The following CSMD3 variants were observed in gnomAD, a reference collection of about 807,000 sequenced individuals.
CSMD3 encodes the protein CUB and sushi domain-containing protein 3.
CSMD3 carries 177 observed loss-of-function variants against 435.2 expected under a neutral mutation model. The ratio of observed to expected loss-of-function variants is 0.41; its 90% CI spans 0.36 to 0.46. CSMD3 has a LOEUF of 0.46. Among genes scored for constraint, CSMD3 ranks in the 20% least tolerant of loss-of-function variants. CSMD3 has a pLI of 0.34. For missense variants in CSMD3, 4,265 were observed against 4,504.6 expected (o/e 0.95, Z 1.52); for synonymous variants, 1,656 against 1,520.5 (o/e 1.09, Z -2.07).
chr8:113,147,675 G>C (rs1454842400), intron 4 of CSMD3, among the ~76,000 whole-genome samples: 1 of 151,540 alleles, frequency 6.6e-6, no homozygotes, highest in East Asian at 2.0e-4. Flanking sequence ...TGTGTGGAGG[G>C]GAGAGGGTTG....
At chr8:112,237,418 A>AT in intron 66 of CSMD3, 70 bp from the exon 67 acceptor site, 1 of 1,127,998 alleles carries the variant, frequency 8.9e-7, no homozygotes, top group South Asian at 1.3e-5. Flanking sequence ...TAAATAGAGT[A>AT]TTAGTTTATT....
At chr8:113,117,344 C>T (rs2090860916) in intron 4 of CSMD3, among the ~76,000 whole-genome samples, 1 of 152,148 alleles carries the variant, frequency 6.6e-6, no homozygotes. Flanking sequence ...TTGGCAGCTT[C>T]CATGTGGTAT....
At position 113,168,584 on chromosome 8, in the gene CSMD3, T is replaced by A. The variant is rs73344373; in HGVS notation, c.709+5138A>T. Among the ~76,000 whole-genome samples the A allele has an allele frequency of 5.9e-3, 566 of 95,782 alleles. 5 individuals carry two copies. The highest frequency in any genetic ancestry group is 0.02 in the African/African-American group (529 of 25,986). The allele number at this position is 95,782 out of a possible 152,430, so 62.8% of individuals were successfully genotyped here. On this transcript the variant is annotated intron_variant, in intron 4 of 70. Coordinates refer to ENST00000297405, the MANE Select transcript of CSMD3 (RefSeq NM_198123.2). ...AGCTACAAAAAATGCTAAAAAATAA[T>A]CTTTACAGTGAATAGATAAAACTGG...
intron 1 of CSMD3, among the ~76,000 whole-genome samples, chr8:113,345,652 A>G (rs1039927974): frequency 6.6e-6 from 1 of 152,082 alleles, no homozygotes; most frequent in Admixed American, 6.6e-5. Context: ...GTCATTTTAT[A>G]AGGAAGACAA....
At chr8:113,043,146 T>C (rs1362132416) in intron 5 of CSMD3, among the ~76,000 whole-genome samples, 1 of 152,196 alleles carries the variant, frequency 6.6e-6, no homozygotes, top group East Asian at 1.9e-4. Flanking sequence ...AAATCAGTGG[T>C]ACTCAAACAC....
chr8:113,271,580 C>T (rs2093527389), intron 3 of CSMD3, among the ~76,000 whole-genome samples: 1 of 152,120 alleles, frequency 6.6e-6, no homozygotes, highest in South Asian at 2.1e-4. Context: ...GGACCTCCAT[C>T]TATATTTCAG....
chr8:112,400,939 G>T (rs556659338), intron 35 of CSMD3, among the ~76,000 whole-genome samples: 3 of 152,156 alleles, frequency 2.0e-5, no homozygotes, highest in Non-Finnish European at 4.4e-5. Context: ...AGGCCCGGTG[G>T]CTCACACCTG....
intron 67 of CSMD3, among the ~76,000 whole-genome samples, chr8:112,235,933 C>A (rs920821208): frequency 2.6e-5 from 4 of 151,782 alleles, no homozygotes; most frequent in African/African-American, 9.6e-5. Context: ...ATTTTGGGCT[C>A]TTTTATAGAA....
intron 32 of CSMD3, among the ~76,000 whole-genome samples, chr8:112,470,419 A>G (rs1442778352): frequency 6.6e-6 from 1 of 152,122 alleles, no homozygotes; most frequent in African/African-American, 2.4e-5. Context: ...AATCACTCAC[A>G]TACATCAAAT....
Position 112,526,590 on chromosome 8 carries a change from T to C in CSMD3, c.4565-9365A>G, listed in dbSNP as rs979022467. On this transcript the variant is annotated intron_variant, in intron 27 of 70. Coordinates refer to ENST00000297405, the MANE Select transcript of CSMD3 (RefSeq NM_198123.2). ...AACCAATTCCTAGTACATTTCTGTTTTTTAATTTTATAAGAGCTTTGCTTT... is the reference window on the plus strand; with the variant it reads ...AACCAATTCCTAGTACATTTCTGTTCTTTAATTTTATAAGAGCTTTGCTTT... 7.9e-5 allele frequency among the ~76,000 whole-genome samples: 12 copies of C among 152,194 alleles called. No homozygotes were observed. In the East Asian group the frequency reaches 1.9e-3, roughly 24 times the overall value.
At chr8:113,040,134 C>T (rs1017635576) in intron 5 of CSMD3, among the ~76,000 whole-genome samples, 1 of 152,006 alleles carries the variant, frequency 6.6e-6, no homozygotes, top group African/African-American at 2.4e-5. Flanking sequence ...GTCCTATTAG[C>T]AGAGTTATGA....
At chr8:113,387,992 G>A (rs1221192755) in intron 1 of CSMD3, among the ~76,000 whole-genome samples, 1 of 151,636 alleles carries the variant, frequency 6.6e-6, no homozygotes, top group East Asian at 1.9e-4. Context: ...ATATTATATT[G>A]TGGCATATTC....
At chr8:113,341,627 A>G (rs2094119433) in intron 1 of CSMD3, among the ~76,000 whole-genome samples, 1 of 152,116 alleles carries the variant, frequency 6.6e-6, no homozygotes, top group Non-Finnish European at 1.5e-5. Context: ...AGGCTGTTTA[A>G]AATATGGAAA....
At chr8:112,357,573 C>T (rs1826745884) in intron 38 of CSMD3, among the ~76,000 whole-genome samples, 1 of 152,166 alleles carries the variant, frequency 6.6e-6, no homozygotes, top group Non-Finnish European at 1.5e-5. Flanking sequence ...GCAGCCCCTC[C>T]CATCACAGGC....
At chr8:112,537,180 T>TA (rs747860366) in intron 27 of CSMD3, among the ~76,000 whole-genome samples, 75 of 149,106 alleles carry the variant, frequency 5.0e-4, no homozygotes, top group Admixed American at 3.5e-3. Context: ...AATAATAAAA[T>TA]AAAAAAAAAG....
intron 1 of CSMD3, among the ~76,000 whole-genome samples, chr8:113,326,560 T>G (rs914516258): frequency 6.6e-6 from 1 of 152,150 alleles, no homozygotes; most frequent in Non-Finnish European, 1.5e-5. Flanking sequence ...AATAAGCTTG[T>G]GAAGTACATA....
chr8:112,916,046 A>T (rs2082562131), intron 10 of CSMD3, among the ~76,000 whole-genome samples: 1 of 151,836 alleles, frequency 6.6e-6, no homozygotes. Context: ...AAGTAAACTG[A>T]TGTTCAGAAG....
intron 10 of CSMD3, among the ~76,000 whole-genome samples, chr8:112,893,816 A>G (rs992949781): frequency 6.6e-6 from 1 of 151,460 alleles, no homozygotes; most frequent in Non-Finnish European, 1.5e-5. Flanking sequence ...GTTCCTGTGT[A>G]CTGTACAAGT....
At chr8:113,093,575 A>G (rs1292412763) in intron 5 of CSMD3, among the ~76,000 whole-genome samples, 1 of 152,060 alleles carries the variant, frequency 6.6e-6, no homozygotes, top group Non-Finnish European at 1.5e-5. Context: ...TTTAATAGTA[A>G]TCGATTAGGG....
Sources: gnomAD v4.1 joint callset for allele counts (sites outside exome capture counted in the v4.1 genomes callset) on GRCh38, gnomAD v4.1.1 for gene constraint, MANE v1.5 for transcripts, NCBI Gene and HGNC (gene_info 2026-07-23, HGNC 2026-07-21) for gene names.